The following CDH12 variants were observed in gnomAD, a reference collection of about 807,000 sequenced individuals.
CDH12 encodes the protein cadherin-12.
Under a neutral mutation model 74.1 loss-of-function variants are expected in CDH12, and 41 were observed. The observed-to-expected ratio is 0.55, with a 90% confidence interval of 0.43 to 0.72. The LOEUF is 0.72. Among genes scored for constraint, CDH12 ranks in the 30% least tolerant of loss-of-function variants. The probability of loss-of-function intolerance (pLI) is 0.00; values close to 1 mark genes in which losing one functional copy is unlikely to be tolerated. For missense variants in CDH12, 945 were observed against 977.2 expected, an observed-to-expected ratio of 0.97 and a Z score of 0.44; for synonymous variants, 399 against 355.0, an observed-to-expected ratio of 1.12 and a Z score of -1.39.
chr5:22,545,039 C>A (rs1738255559), intron 1 of CDH12, among the ~76,000 whole-genome samples: 1 of 152,080 alleles, frequency 6.6e-6, no homozygotes, highest in Non-Finnish European at 1.5e-5. Flanking sequence ...ATTTATCAGC[C>A]ACTCATCTGT....
At chr5:22,248,443 T>C (rs1753032169) in intron 3 of CDH12, among the ~76,000 whole-genome samples, 1 of 152,198 alleles carries the variant, frequency 6.6e-6, no homozygotes, top group Non-Finnish European at 1.5e-5. Flanking sequence ...TCAGGGGATA[T>C]TTCAAATCAA....
Position 22,280,000 on chromosome 5 carries a change from A to C in CDH12, c.-332-67357T>G, listed in dbSNP as rs560477994. Among the ~76,000 whole-genome samples the C allele has an allele frequency of 1.1e-3, 165 of 152,264 alleles. 1 individual carries two copies. Among genetic ancestry groups the C allele is most frequent in the African/African-American group, 3.8e-3 (158 of 41,560 alleles). ...TAGTTTACAGTCCCACCAACAGTGT[A>C]AAAGTGTTCCTATTTCTCCACATCC... On this transcript the variant is annotated intron_variant, in intron 3 of 14. Coordinates refer to ENST00000382254, the MANE Select transcript of CDH12 (RefSeq NM_004061.5).
At chr5:22,767,141 A>G (rs1746556902) in intron 1 of CDH12, among the ~76,000 whole-genome samples, 1 of 152,010 alleles carries the variant, frequency 6.6e-6, no homozygotes, top group African/African-American at 2.4e-5. Context: ...TTAAAAATCC[A>G]CCTTGTCTAG....
chr5:22,549,126 G>GTTT (rs35054448), intron 1 of CDH12, among the ~76,000 whole-genome samples: 14 of 144,970 alleles, frequency 9.7e-5, no homozygotes, highest in African/African-American at 3.5e-4. Context: ...TTGTTTATTT[G>GTTT]TTTTTTTTTT....
At chr5:22,621,179 C>G (rs994971658) in intron 1 of CDH12, among the ~76,000 whole-genome samples, 1 of 152,122 alleles carries the variant, frequency 6.6e-6, no homozygotes, top group Non-Finnish European at 1.5e-5. Context: ...CCAATCTCTC[C>G]GAGTCTGCTT....
intron 10 of CDH12, among the ~76,000 whole-genome samples, chr5:21,792,171 C>T (rs1017195707): frequency 6.6e-6 from 1 of 151,874 alleles, no homozygotes; most frequent in Non-Finnish European, 1.5e-5. Flanking sequence ...TTAACAAACA[C>T]TTTACTGAGT....
chr5:22,525,616 T>G (rs931771883), intron 1 of CDH12, among the ~76,000 whole-genome samples: 1 of 152,130 alleles, frequency 6.6e-6, no homozygotes, highest in Non-Finnish European at 1.5e-5. Context: ...TGTCAATAAC[T>G]GGAATGTAAC....
At chr5:21,833,335 A>ATATG (rs1749310611) in intron 8 of CDH12, among the ~76,000 whole-genome samples, 1 of 20,276 alleles carries the variant, frequency 4.9e-5, no homozygotes, top group South Asian at 1.5e-3. Context: ...TATATTATAT[A>ATATG]TTATATAACA....
intron 3 of CDH12, among the ~76,000 whole-genome samples, chr5:22,225,095 T>C (rs1752149030): frequency 6.6e-6 from 1 of 152,012 alleles, no homozygotes; most frequent in East Asian, 1.9e-4. Context: ...TTTCCAAAAA[T>C]CGACCAAAGC....
intron 2 of CDH12, among the ~76,000 whole-genome samples, chr5:22,497,074 C>A (rs1197039854): frequency 6.6e-6 from 1 of 152,136 alleles, no homozygotes; most frequent in Non-Finnish European, 1.5e-5. Flanking sequence ...TAGTGCCTTT[C>A]TCATACAATT....
At chr5:22,355,256 G>A (rs1204186986) in intron 3 of CDH12, among the ~76,000 whole-genome samples, 1 of 152,018 alleles carries the variant, frequency 6.6e-6, no homozygotes, top group Non-Finnish European at 1.5e-5. Context: ...ACTGCCAAGA[G>A]GGGATTCTGT....
Position 21,880,472 on chromosome 5 carries a change from T to TTCCTTCCTTCCG in CDH12, c.527-25683_527-25682insCGGAAGGAAGGA, listed in dbSNP as rs1232250842. ...TTTCCTTCCTTCCTTCCTTCTTTCC[T>TTCCTTCCTTCCG]TCCTTCCTTCCTTCCTTCCTTCCTT... On this transcript the variant is annotated intron_variant, in intron 6 of 14. Transcript: ENST00000382254. 7.8e-4 allele frequency among the ~76,000 whole-genome samples: 14 copies of TTCCTTCCTTCCG among 17,990 alleles called. 1 individual carries two copies. The highest frequency in any genetic ancestry group is 1.1e-3 in the African/African-American group (14 of 13,320). The allele number at this position is 17,990 out of a possible 152,430, so 11.8% of individuals were successfully genotyped here.
intron 1 of CDH12, among the ~76,000 whole-genome samples, chr5:22,573,839 T>C (rs1010782651): frequency 1.3e-5 from 2 of 152,032 alleles, no homozygotes; most frequent in Admixed American, 6.6e-5. Flanking sequence ...CTGTAGAGGA[T>C]CAATATAGAC....
At chr5:21,857,693 A>G (rs1423730073) in intron 6 of CDH12, among the ~76,000 whole-genome samples, 1 of 151,914 alleles carries the variant, frequency 6.6e-6, no homozygotes, top group Non-Finnish European at 1.5e-5. Flanking sequence ...AACTCCAACT[A>G]AATAAGTGAT....
At chr5:22,591,755 T>C (rs1438802312) in intron 1 of CDH12, among the ~76,000 whole-genome samples, 4 of 152,174 alleles carry the variant, frequency 2.6e-5, no homozygotes, top group African/African-American at 9.6e-5. Flanking sequence ...GTTTTATAGA[T>C]ATTGTATATT....
chr5:22,162,293 G>T (rs1748397978), intron 4 of CDH12, among the ~76,000 whole-genome samples: 1 of 151,938 alleles, frequency 6.6e-6, no homozygotes, highest in African/African-American at 2.4e-5. Flanking sequence ...CTCTCTCTTT[G>T]TCTGACTCTT....
intron 5 of CDH12, among the ~76,000 whole-genome samples, chr5:21,991,792 T>C (rs1455132845): frequency 2.0e-5 from 3 of 151,572 alleles, no homozygotes; most frequent in Non-Finnish European, 2.9e-5. Context: ...ATGTGTAATA[T>C]CACAAATGCA....
chr5:21,797,667 A>C (rs1287492349), intron 10 of CDH12, among the ~76,000 whole-genome samples: 1 of 152,184 alleles, frequency 6.6e-6, no homozygotes, highest in African/African-American at 2.4e-5. Context: ...AGCTACTGTG[A>C]CATAAAATGT....
intron 5 of CDH12, among the ~76,000 whole-genome samples, chr5:22,019,508 G>A (rs778788671): frequency 2.0e-5 from 3 of 152,148 alleles, no homozygotes; most frequent in Non-Finnish European, 4.4e-5. Context: ...TCATGAAGGT[G>A]CAGCCTTCAT....
Sources: allele counts gnomAD v4.1 joint callset (sites outside exome capture counted in the v4.1 genomes callset), GRCh38; gene constraint gnomAD v4.1.1; transcripts MANE v1.5; gene names NCBI Gene and HGNC (gene_info 2026-07-23, HGNC 2026-07-21).